Variants in LRMDA observed in about 807,000 individuals in gnomAD.
LRMDA encodes leucine-rich melanocyte differentiation-associated protein.
A neutral mutation model predicts 29.8 loss-of-function variants in LRMDA; 18 were observed. The observed-to-expected ratio is 0.60, with a 90% CI of 0.42 to 0.90. LRMDA has a LOEUF of 0.90. Ranked by LOEUF, LRMDA falls within the 40% of genes least tolerant of loss-of-function variation. LRMDA has a pLI of 0.00. For missense variants in LRMDA, 273 were observed against 273.9 expected (o/e 1.00, Z 0.02); for synonymous variants, 125 against 109.4 (o/e 1.14, Z -0.89).
chr10:75,497,630 G>A (rs968426545), intron 2 of LRMDA, among the ~76,000 whole-genome samples: 1 of 150,920 alleles, frequency 6.6e-6, no homozygotes, highest in South Asian at 2.1e-4. Flanking sequence ...CCCTCCATAG[G>A]CAATTGCTCT....
chr10:75,931,263 G>C (rs879257053), intron 2 of LRMDA, among the ~76,000 whole-genome samples: 5 of 152,182 alleles, frequency 3.3e-5, no homozygotes, highest in Non-Finnish European at 4.4e-5. Context: ...TCCAGTGTCA[G>C]AAGTCAGTCA....
chr10:75,463,940 T>C (rs1382172759), intron 2 of LRMDA, among the ~76,000 whole-genome samples: 1 of 152,172 alleles, frequency 6.6e-6, no homozygotes, highest in Non-Finnish European at 1.5e-5. Context: ...GTGCTGGGAT[T>C]ACAGGCATGA....
At chr10:76,446,471 A>T (rs1010021176) in intron 6 of LRMDA, among the ~76,000 whole-genome samples, 1 of 152,210 alleles carries the variant, frequency 6.6e-6, no homozygotes, top group African/African-American at 2.4e-5. Flanking sequence ...TTCCCTAATA[A>T]TGAGTTCTAC....
chr10:75,443,404 A>G (rs931394597), intron 2 of LRMDA, among the ~76,000 whole-genome samples: 2 of 152,138 alleles, frequency 1.3e-5, no homozygotes, highest in African/African-American at 4.8e-5. Context: ...AGTTTTTATT[A>G]TGAAAGGATG....
intron 2 of LRMDA, among the ~76,000 whole-genome samples, chr10:75,776,989 G>C (rs940906961): frequency 6.6e-6 from 1 of 152,250 alleles, no homozygotes; most frequent in Non-Finnish European, 1.5e-5. Flanking sequence ...CGAGGAGGGG[G>C]CATTGCCCAT....
At chr10:75,514,181 CCTTT>C (rs1370566888) in intron 2 of LRMDA, among the ~76,000 whole-genome samples, 1 of 107,732 alleles carries the variant, frequency 9.3e-6, no homozygotes, top group African/African-American at 3.4e-5. Context: ...TTTTTTTTTT[CCTTT>C]CTTCTTCTTG....
intron 5 of LRMDA, among the ~76,000 whole-genome samples, chr10:76,251,220 T>C (rs1236088168): frequency 1.4e-5 from 2 of 141,858 alleles, no homozygotes; most frequent in Non-Finnish European, 3.0e-5. Context: ...TTATCTCCCG[T>C]CGCTTCTTTT....
intron 2 of LRMDA, among the ~76,000 whole-genome samples, chr10:75,641,499 TTAA>T (rs1030211976): frequency 5.3e-5 from 8 of 151,982 alleles, no homozygotes; most frequent in African/African-American, 1.9e-4. Context: ...TAAATGTGAT[TTAA>T]TAATTATTAT....
chr10:75,977,468 T>A (rs1847093620), intron 2 of LRMDA, among the ~76,000 whole-genome samples: 1 of 152,196 alleles, frequency 6.6e-6, no homozygotes, highest in African/African-American at 2.4e-5. Flanking sequence ...CTGAGTCGAA[T>A]TCCTGAGGGG....
intron 2 of LRMDA, among the ~76,000 whole-genome samples, chr10:75,476,994 T>G (rs1238487893): frequency 6.6e-6 from 1 of 150,878 alleles, no homozygotes; most frequent in Non-Finnish European, 1.5e-5. Flanking sequence ...TTTCTCTCTC[T>G]CTTTTTTTTT....
intron 5 of LRMDA, among the ~76,000 whole-genome samples, chr10:76,161,172 A>G (rs1850640626): frequency 6.6e-6 from 1 of 152,178 alleles, no homozygotes; most frequent in African/African-American, 2.4e-5. Flanking sequence ...GAGAAACATG[A>G]AAAGGGAAAG....
intron 2 of LRMDA, among the ~76,000 whole-genome samples, chr10:75,604,143 C>A (rs1400719845): frequency 2.6e-5 from 4 of 151,420 alleles, no homozygotes; most frequent in African/African-American, 9.7e-5. Context: ...GTTAACCATT[C>A]TTTTTTTTTG....
At position 75,676,975 on chromosome 10, in the gene LRMDA, TA is replaced by T. The variant is rs368262541; in HGVS notation, c.131+238482del. 5.1e-4 allele frequency among the ~76,000 whole-genome samples: 77 copies of T among 152,336 alleles called. No individual in the cohort carries two copies. In the South Asian group the frequency reaches 0.016, roughly 31 times the overall value. On this transcript the variant is annotated intron_variant, in intron 2 of 6. Transcript: ENST00000611255. ...GTACCACCAGGTCTACCCTTACTAA[TA>T]TTTTAATATTTATGGCATTAAAGCC...
intron 6 of LRMDA, among the ~76,000 whole-genome samples, chr10:76,523,422 A>G (rs1049015458): frequency 1.3e-5 from 2 of 152,124 alleles, no homozygotes; most frequent in African/African-American, 4.8e-5. Context: ...ACACGCCGCT[A>G]TTTAGCTGGG....
rs866687489 is a variant in LRMDA at position 76,219,908 on chromosome 10, G to A, written c.517-104493G>A. 3.5e-3 allele frequency among the ~76,000 whole-genome samples: 528 copies of A among 152,134 alleles called. 3 individuals are homozygous for A. The highest frequency in any genetic ancestry group is 8.5e-3 in the African/African-American group (351 of 41,536). ...CAAATGTAAAAGATCAGAAATTATA[G>A]CAAACTGTCTCTCAGACCACAGTGC... On this transcript the variant is annotated intron_variant, in intron 5 of 6. Coordinates refer to ENST00000611255, the MANE Select transcript of LRMDA (RefSeq NM_001305581.2).
chr10:75,707,894 C>T (rs935211771), intron 2 of LRMDA, among the ~76,000 whole-genome samples: 1 of 152,134 alleles, frequency 6.6e-6, no homozygotes, highest in African/African-American at 2.4e-5. Context: ...AACCCACATT[C>T]ATTCGGCCAC....
intron 2 of LRMDA, among the ~76,000 whole-genome samples, chr10:75,685,278 G>T (rs1414365876): frequency 6.6e-6 from 1 of 151,938 alleles, no homozygotes; most frequent in Non-Finnish European, 1.5e-5. Context: ...GAATGTCTCA[G>T]GGAGAGACAT....
chr10:75,615,515 A>G (rs1394937152), intron 2 of LRMDA, among the ~76,000 whole-genome samples: 1 of 152,168 alleles, frequency 6.6e-6, no homozygotes, highest in Non-Finnish European at 1.5e-5. Context: ...AGGAATACTC[A>G]ACCTGATGAA....
intron 6 of LRMDA, among the ~76,000 whole-genome samples, chr10:76,382,442 GCTGT>G (rs1413994099): frequency 1.3e-5 from 2 of 152,280 alleles, no homozygotes; most frequent in Non-Finnish European, 2.9e-5. Flanking sequence ...GCACAGACAT[GCTGT>G]CTGTTTCACT....
Sources: allele counts gnomAD v4.1 joint callset (sites outside exome capture counted in the v4.1 genomes callset), GRCh38; gene constraint gnomAD v4.1.1; transcripts MANE v1.5; gene names NCBI Gene and HGNC (gene_info 2026-07-23, HGNC 2026-07-21).